DCC: variants seen among roughly 807,000 people sequenced by gnomAD.
DCC encodes netrin receptor DCC.
A neutral mutation model predicts 172.5 loss-of-function variants in DCC; 58 were observed. The observed-to-expected ratio is 0.34, with a 90% CI of 0.27 to 0.42. The LOEUF (loss-of-function observed/expected upper bound fraction) is 0.42. Ranked by LOEUF, DCC falls within the 10% of genes least tolerant of loss-of-function variation. The pLI is 1.00. For missense variants in DCC, 1,740 were observed against 1,791.0 expected (o/e 0.97, Z 0.51); for synonymous variants, 709 against 644.5 (o/e 1.10, Z -1.52).
intron 1 of DCC, among the ~76,000 whole-genome samples, chr18:52,665,415 TAA>T (rs1275325828): frequency 6.6e-6 from 1 of 152,170 alleles, no homozygotes; most frequent in Non-Finnish European, 1.5e-5. Flanking sequence ...GTAATTACAT[TAA>T]GTTTAATTAC....
At chr18:52,605,581 A>G (rs186669674) in intron 1 of DCC, among the ~76,000 whole-genome samples, 20 of 152,286 alleles carry the variant, frequency 1.3e-4, no homozygotes, top group Middle Eastern at 3.4e-3. Context: ...TAGAGAACAG[A>G]GTGTAAAACA....
At chr18:53,506,321 G>T (rs16956853) in intron 27 of DCC, among the ~76,000 whole-genome samples, 20,533 of 152,108 alleles carry the variant, frequency 0.13, 1,600 homozygotes, top group Admixed American at 0.24. Context: ...GTAAGGATTA[G>T]ATATCAGGTA....
chr18:53,135,798 C>T (rs887842562), intron 7 of DCC, among the ~76,000 whole-genome samples: 5 of 151,996 alleles, frequency 3.3e-5, no homozygotes, highest in African/African-American at 4.8e-5. Context: ...ATTGAATCAC[C>T]CTCAATCTAC....
chr18:52,700,267 C>T (rs1316566320), intron 1 of DCC, among the ~76,000 whole-genome samples: 1 of 135,682 alleles, frequency 7.4e-6, no homozygotes, highest in African/African-American at 2.9e-5. Flanking sequence ...CATCCACACT[C>T]TTGTGCACAC....
At chr18:53,002,817 G>A (rs754867498) in intron 5 of DCC, among the ~76,000 whole-genome samples, 3 of 152,124 alleles carry the variant, frequency 2.0e-5, no homozygotes, top group Non-Finnish European at 4.4e-5. Context: ...ATGATGGAAA[G>A]ATGGATTTGC....
intron 6 of DCC, among the ~76,000 whole-genome samples, chr18:53,063,896 A>G (rs1273979586): frequency 6.6e-6 from 1 of 152,162 alleles, no homozygotes; most frequent in East Asian, 1.9e-4. Flanking sequence ...TTGGTAATAC[A>G]GACAGCTTTT....
intron 1 of DCC, among the ~76,000 whole-genome samples, chr18:52,396,281 A>ACCCCCCCCCCC (rs34363129): frequency 6.8e-3 from 770 of 113,940 alleles, no homozygotes; most frequent in Non-Finnish European, 7.9e-3. Flanking sequence ...CCTGCACCAC[A>ACCCCCCCCCCC]CCCCCCCCCC....
At chr18:52,532,455 CA>C (rs1274141137) in intron 1 of DCC, among the ~76,000 whole-genome samples, 1 of 152,050 alleles carries the variant, frequency 6.6e-6, no homozygotes, top group Non-Finnish European at 1.5e-5. Flanking sequence ...GTTCAAAGTA[CA>C]AAATAATATT....
chr18:52,887,091 C>T (rs941172150), intron 2 of DCC, among the ~76,000 whole-genome samples: 2 of 152,066 alleles, frequency 1.3e-5, no homozygotes, highest in Admixed American at 6.6e-5. Flanking sequence ...TATGAGAACA[C>T]GGGCATGTTG....
intron 25 of DCC, among the ~76,000 whole-genome samples, chr18:53,483,678 A>T (rs2045864777): frequency 6.6e-6 from 1 of 151,736 alleles, no homozygotes; most frequent in Non-Finnish European, 1.5e-5. Flanking sequence ...TGCAGCATAA[A>T]ATTTATATAA....
At chr18:53,118,353 T>C (rs2043436452) in intron 7 of DCC, among the ~76,000 whole-genome samples, 1 of 151,832 alleles carries the variant, frequency 6.6e-6, no homozygotes, top group African/African-American at 2.4e-5. Context: ...GTGTTTCGTA[T>C]ATAAAGCATG....
At chr18:53,377,948 GTTTA>G (rs1475582853) in intron 15 of DCC, among the ~76,000 whole-genome samples, 2 of 152,052 alleles carry the variant, frequency 1.3e-5, no homozygotes, top group Non-Finnish European at 2.9e-5. Flanking sequence ...CTTTGCTCTG[GTTTA>G]TTTATTTATT....
chr18:52,396,942 A>G (rs868483173), intron 1 of DCC, among the ~76,000 whole-genome samples: 4 of 152,070 alleles, frequency 2.6e-5, no homozygotes, highest in Non-Finnish European at 5.9e-5. Flanking sequence ...TTAGAGCAAT[A>G]CCAAGCATAT....
At chr18:52,399,804 A>C (rs920461583) in intron 1 of DCC, among the ~76,000 whole-genome samples, 11 of 152,014 alleles carry the variant, frequency 7.2e-5, no homozygotes, top group African/African-American at 2.7e-4. Context: ...AAGTTCCCTG[A>C]GAGTGAGAAC....
intron 12 of DCC, among the ~76,000 whole-genome samples, chr18:53,265,843 C>T (rs2056667439): frequency 6.6e-6 from 1 of 152,100 alleles, no homozygotes; most frequent in African/African-American, 2.4e-5. Context: ...AGCTACTATC[C>T]CCTGAAGTTT....
At chr18:53,249,540 T>C (rs920206014) in intron 12 of DCC, among the ~76,000 whole-genome samples, 5 of 151,924 alleles carry the variant, frequency 3.3e-5, no homozygotes, top group African/African-American at 1.2e-4. Flanking sequence ...AAGTAGATAT[T>C]ATTGCCCTGG....
intron 2 of DCC, among the ~76,000 whole-genome samples, chr18:52,900,474 A>C (rs1039343464): frequency 6.6e-6 from 1 of 152,210 alleles, no homozygotes; most frequent in Non-Finnish European, 1.5e-5. Flanking sequence ...CCCAATGCTT[A>C]CTGTACAACT....
chr18:52,798,294 C>T (rs1270373706), intron 2 of DCC, among the ~76,000 whole-genome samples: 4 of 152,144 alleles, frequency 2.6e-5, no homozygotes, highest in African/African-American at 7.2e-5. Flanking sequence ...ATTTGGAAAA[C>T]ATTTCCTTAC....
chr18:52,847,700 TCTGA>T (rs2038916984), intron 2 of DCC, among the ~76,000 whole-genome samples: 2 of 152,210 alleles, frequency 1.3e-5, no homozygotes, highest in Admixed American at 6.5e-5. Flanking sequence ...TGATACATCC[TCTGA>T]CTATTAGTTT....
Sources: allele counts gnomAD v4.1 joint callset (sites outside exome capture counted in the v4.1 genomes callset), GRCh38; gene constraint gnomAD v4.1.1; transcripts MANE v1.5; gene names NCBI Gene and HGNC (gene_info 2026-07-23, HGNC 2026-07-21).